GMDS: variants seen among roughly 807,000 people sequenced by gnomAD.
GMDS encodes the protein GDP-mannose 4,6-dehydratase, also known as GDP-mannose 4,6 dehydratase.
GMDS carries 20 observed loss-of-function variants against 49.9 expected under a neutral mutation model. The observed-to-expected ratio is 0.40, with a 90% CI of 0.28 to 0.58. GMDS has a LOEUF of 0.58. GMDS is among the 20% of genes least tolerant of loss of function. GMDS has a pLI of 0.42. For missense variants in GMDS, 362 were observed against 481.4 expected (o/e 0.75, Z 2.32); for synonymous variants, 177 against 178.6 (o/e 0.99, Z 0.07).
At chr6:1,629,587 C>A (rs1762938499) in intron 9 of GMDS, among the ~76,000 whole-genome samples, 1 of 152,146 alleles carries the variant, frequency 6.6e-6, no homozygotes, top group Non-Finnish European at 1.5e-5. Context: ...CGTGGCCACC[C>A]TTATGGAGGC....
chr6:2,015,891 C>G (rs1767860149), intron 4 of GMDS, among the ~76,000 whole-genome samples: 1 of 151,910 alleles, frequency 6.6e-6, no homozygotes, highest in Admixed American at 6.6e-5. Flanking sequence ...ATAGAAGATT[C>G]ATTCTTAGCA....
intron 7 of GMDS, among the ~76,000 whole-genome samples, chr6:1,913,388 C>CAAAAAA (rs56262461): frequency 6.0e-4 from 62 of 103,922 alleles, no homozygotes; most frequent in Admixed American, 6.8e-4. Context: ...CTCAAACAAA[C>CAAAAAA]AAAAAAAAAA....
rs143104834 is a variant in GMDS at position 1,742,554 on chromosome 6, C to T, written c.804G>A (p.Pro268=). ...AMWLMLQNDE[P]EDFVIATGEV... ...CCCCAGTAGCTATAACGAAGTCCTC[C>T]GGCTCATCATTCTGCAACATCAACC... Residue 268 remains proline (P), a synonymous_variant, in exon 8 of 11, where the codon CCG becomes CCA. Transcript: ENST00000380815. 6.0e-5 allele frequency: 97 copies of T among 1,610,116 alleles called. No homozygotes were observed. Among genetic ancestry groups the T allele is most frequent in the African/African-American group, 1.5e-4 (11 of 74,872 alleles).
intron 7 of GMDS, among the ~76,000 whole-genome samples, chr6:1,774,289 T>A (rs1768704849): frequency 6.6e-6 from 1 of 152,244 alleles, no homozygotes; most frequent in Admixed American, 6.5e-5. Flanking sequence ...ATCACTCACA[T>A]GTCACAGGCT....
chr6:1,770,006 G>C (rs1768515203), intron 7 of GMDS, among the ~76,000 whole-genome samples: 1 of 152,240 alleles, frequency 6.6e-6, no homozygotes, highest in Non-Finnish European at 1.5e-5. Flanking sequence ...GATTACAGGT[G>C]TGAGCCACCG....
intron 1 of GMDS, among the ~76,000 whole-genome samples, chr6:2,192,478 G>A (rs2127570099): frequency 6.6e-6 from 1 of 152,298 alleles, no homozygotes; most frequent in Non-Finnish European, 1.5e-5. Context: ...TCATCAAATT[G>A]CAGGTGAAGA....
chr6:1,874,215 T>C (rs566235616), intron 7 of GMDS, among the ~76,000 whole-genome samples: 4 of 152,322 alleles, frequency 2.6e-5, no homozygotes, highest in Non-Finnish European at 5.9e-5. Context: ...TTTGATTATA[T>C]AGAAAAGTTT....
At chr6:1,970,223 T>A (rs923431434) in intron 4 of GMDS, among the ~76,000 whole-genome samples, 2 of 152,228 alleles carry the variant, frequency 1.3e-5, no homozygotes, top group African/African-American at 2.4e-5. Context: ...AGGCTCATGA[T>A]ACCAGTGAGC....
At chr6:1,750,343 G>A (rs1045288002) in intron 7 of GMDS, among the ~76,000 whole-genome samples, 2 of 152,266 alleles carry the variant, frequency 1.3e-5, no homozygotes, top group Admixed American at 6.5e-5. Context: ...TGAGATCAAC[G>A]CAGAAGGCAG....
In GMDS at chr6:1,766,875, A is replaced by AG. The variant is rs1431463209; in HGVS notation, c.772-24290dup. 6.6e-6 allele frequency among the ~76,000 whole-genome samples: 1 copy of AG among 152,252 alleles called. No homozygotes were observed. The highest frequency in any genetic ancestry group is 1.5e-5 in the Non-Finnish European group (1 of 68,042). On this transcript the variant is annotated intron_variant, in intron 7 of 10. Transcript: ENST00000380815. This position sits in a 1 kb window ranked among gnomAD's most constrained non-coding sequence, Gnocchi z 4.5. ...GGCAATGGGCCAGATCTGGTCAGCT[A>AG]GGTCTCCCAGCTCAGCAATCTGGCT...
intron 4 of GMDS, among the ~76,000 whole-genome samples, chr6:1,979,355 T>A (rs575628795): frequency 6.6e-6 from 1 of 152,150 alleles, no homozygotes; most frequent in East Asian, 1.9e-4. Context: ...ACCAACCTGA[T>A]AGAGCTAAGC....
intron 6 of GMDS, among the ~76,000 whole-genome samples, chr6:1,955,529 C>A (rs1190618420): frequency 6.6e-6 from 1 of 152,054 alleles, no homozygotes; most frequent in South Asian, 2.1e-4. Context: ...GCTCCCATTT[C>A]ATAAGAAGCA....
intron 1 of GMDS, among the ~76,000 whole-genome samples, chr6:2,134,142 A>C (rs1364794805): frequency 2.0e-5 from 3 of 152,230 alleles, no homozygotes; most frequent in African/African-American, 7.2e-5. Flanking sequence ...TGTAGACTGC[A>C]CAATCATGGT....
At chr6:2,074,661 TA>T (rs1172744741) in intron 4 of GMDS, among the ~76,000 whole-genome samples, 1 of 152,168 alleles carries the variant, frequency 6.6e-6, no homozygotes, top group Non-Finnish European at 1.5e-5. Flanking sequence ...TTAAGTCTTT[TA>T]AAAAATTAAT....
At position 2,191,467 on chromosome 6, in the gene GMDS, C is replaced by T. The variant is rs1779014522; in HGVS notation, c.102+53854G>A. Among the ~76,000 whole-genome samples, 1 of 152,194 alleles carries T rather than the reference C, an allele frequency of 6.6e-6. No individual in the cohort carries two copies. The highest frequency in any genetic ancestry group is 1.5e-5 in the Non-Finnish European group (1 of 68,018). On this transcript the variant is annotated intron_variant, in intron 1 of 10. Transcript: ENST00000380815. This position sits in a 1 kb window ranked among gnomAD's most constrained non-coding sequence, Gnocchi z 4.6. ...CCTGCCCTCCCAGACACATCTGCAGCCGCCCAGGTGGGGCTGTGGACCCGG... is the reference window on the plus strand; with the variant it reads ...CCTGCCCTCCCAGACACATCTGCAGTCGCCCAGGTGGGGCTGTGGACCCGG...
intron 7 of GMDS, among the ~76,000 whole-genome samples, chr6:1,887,879 A>G (rs1759680721): frequency 1.3e-5 from 2 of 152,178 alleles, no homozygotes; most frequent in Non-Finnish European, 2.9e-5. Flanking sequence ...TCTCTAGATT[A>G]CCCATAATAC....
chr6:2,182,755 G>C (rs1023506108), intron 1 of GMDS, among the ~76,000 whole-genome samples: 1 of 152,194 alleles, frequency 6.6e-6, no homozygotes, highest in Non-Finnish European at 1.5e-5. Context: ...GCCCAGGCCA[G>C]AGTACAGTGG....
chr6:1,927,665 T>A (rs1440223791), intron 7 of GMDS, among the ~76,000 whole-genome samples: 1 of 152,196 alleles, frequency 6.6e-6, no homozygotes, highest in African/African-American at 2.4e-5. Flanking sequence ...TGTGCCCAGA[T>A]GTGGACTACA....
intron 8 of GMDS, among the ~76,000 whole-genome samples, chr6:1,738,339 C>T (rs191543308): frequency 3.9e-5 from 6 of 152,278 alleles, no homozygotes; most frequent in African/African-American, 7.2e-5. Flanking sequence ...TCTGCTTCCC[C>T]GAATATCTTC....
Sources: gnomAD v4.1 joint callset for allele counts (sites outside exome capture counted in the v4.1 genomes callset) on GRCh38, gnomAD v4.1.1 for gene constraint, Gnocchi (gnomAD v3.1) non-coding constraint, MANE v1.5 for transcripts, NCBI Gene and HGNC (gene_info 2026-07-23, HGNC 2026-07-21) for gene names.